SPEF2: variants seen among roughly 807,000 people sequenced by gnomAD.
The protein encoded by SPEF2 is sperm flagellar and cilia associated 2.
SPEF2 carries 187 observed loss-of-function variants against 224.6 expected under a neutral mutation model. The ratio of observed to expected loss-of-function variants is 0.83; its 90% CI spans 0.74 to 0.94. The LOEUF is 0.94. SPEF2 is among the 40% of genes least tolerant of loss of function. The pLI, the probability that SPEF2 is intolerant of heterozygous loss-of-function variation, is 0.00. For missense variants in SPEF2, 2,170 were observed against 2,135.6 expected (o/e 1.02, Z -0.32); for synonymous variants, 715 against 707.3 (o/e 1.01, Z -0.17).
chr5:35,637,831 C>G (rs929645861), intron 2 of SPEF2, among the ~76,000 whole-genome samples: 1 of 152,124 alleles, frequency 6.6e-6, no homozygotes, highest in Non-Finnish European at 1.5e-5. Flanking sequence ...CTGGATTACC[C>G]TCCAAGGTAT....
intron 30 of SPEF2, among the ~76,000 whole-genome samples, chr5:35,784,270 G>A (rs532614004): frequency 9.9e-5 from 15 of 152,126 alleles, no homozygotes; most frequent in African/African-American, 3.6e-4. Context: ...TGGGACTACA[G>A]GCAAACGCCA....
At chr5:35,788,328 T>G in intron 30 of SPEF2, 1 of 703,000 alleles carries the variant, frequency 1.4e-6, no homozygotes, top group Non-Finnish European at 2.6e-6. Context: ...TTAGATGATA[T>G]GAAAGGTGTT....
intron 36 of SPEF2, among the ~76,000 whole-genome samples, chr5:35,811,469 G>A (rs2149880485): frequency 6.6e-6 from 1 of 152,282 alleles, no homozygotes; most frequent in South Asian, 2.1e-4. Flanking sequence ...CATTTAAGGT[G>A]TACTGGCTTT....
intron 10 of SPEF2, among the ~76,000 whole-genome samples, chr5:35,680,049 A>G (rs1561185237): frequency 6.6e-6 from 1 of 152,210 alleles, no homozygotes; most frequent in Non-Finnish European, 1.5e-5. Flanking sequence ...TTCCTCTGAG[A>G]TAAAACATCA....
chr5:35,637,369 A>T (rs915064040), intron 2 of SPEF2, among the ~76,000 whole-genome samples: 2 of 152,154 alleles, frequency 1.3e-5, no homozygotes, highest in Admixed American at 6.5e-5. Flanking sequence ...ATTTACGAAG[A>T]TGTACTTCAA....
At chr5:35,727,458 G>A (rs917930194) in intron 20 of SPEF2, among the ~76,000 whole-genome samples, 1 of 152,154 alleles carries the variant, frequency 6.6e-6, no homozygotes, top group Non-Finnish European at 1.5e-5. Context: ...TAGCCACTTG[G>A]ATAGGTTGGA....
intron 21 of SPEF2, among the ~76,000 whole-genome samples, chr5:35,734,022 A>G (rs113475156): frequency 1.8e-4 from 27 of 152,316 alleles, no homozygotes; most frequent in South Asian, 2.1e-4. Flanking sequence ...ATAAGTGTTC[A>G]TTGTTTTAAG....
intron 8 of SPEF2, among the ~76,000 whole-genome samples, chr5:35,666,838 G>A (rs372272257): frequency 4.6e-5 from 7 of 152,262 alleles, no homozygotes; most frequent in South Asian, 4.1e-4. Context: ...GTTAGATCAC[G>A]TCTGACTGTA....
At chr5:35,804,234 C>T (rs1333512461) in intron 34 of SPEF2, among the ~76,000 whole-genome samples, 2 of 152,156 alleles carry the variant, frequency 1.3e-5, no homozygotes, top group African/African-American at 4.8e-5. Flanking sequence ...AATGCATGGT[C>T]AGGAAGACAC....
Position 35,641,477 on chromosome 5 carries a change from C to G in SPEF2, c.208C>G (p.Leu70Val). ...TAATTTTTCTCGCTTGGAGCCAACA[C>G]TTAACCTTCTGGGTGTGCAGTTTGA... Reference protein sequence around the residue: ...LNNFSRLEPTLNLLGVQFDQN... With the variant: ...LNNFSRLEPTVNLLGVQFDQN... Residue 70 changes from leucine to valine, a missense_variant, in exon 3 of 37, where the codon CTT (leucine) becomes GTT (valine). By Grantham distance (32) the Leu-to-Val change is conservative. Transcript: ENST00000356031. The G allele has an allele frequency of 6.2e-7, 1 of 1,613,816 alleles. No homozygotes were observed. Among genetic ancestry groups the G allele is most frequent in the Non-Finnish European group, 8.5e-7 (1 of 1,179,814 alleles).
chr5:35,709,957 T>A (rs1740765786), intron 19 of SPEF2: 1 of 984,534 alleles, frequency 1.0e-6, no homozygotes, highest in Admixed American at 6.2e-5. Context: ...AACTCTATAG[T>A]CTTTCTGCCT....
intron 26 of SPEF2, among the ~76,000 whole-genome samples, chr5:35,770,030 CGT>C (rs143871804): frequency 5.8e-4 from 83 of 142,190 alleles, no homozygotes; most frequent in East Asian, 6.1e-4. Context: ...TGTGCATGTG[CGT>C]GTGTGTGTGT....
chr5:35,696,851 T>C (rs1349556209), intron 14 of SPEF2, among the ~76,000 whole-genome samples: 1 of 152,110 alleles, frequency 6.6e-6, no homozygotes, highest in Non-Finnish European at 1.5e-5. Flanking sequence ...AAAGGGAGCC[T>C]TAAGCAGATT....
At chr5:35,672,787 A>G (rs1751367209) in intron 10 of SPEF2, among the ~76,000 whole-genome samples, 1 of 152,162 alleles carries the variant, frequency 6.6e-6, no homozygotes, top group South Asian at 2.1e-4. Context: ...TACTTAATTG[A>G]TGTCCATACC....
chr5:35,708,011 C>CT (rs1740155882), intron 18 of SPEF2, among the ~76,000 whole-genome samples: 1 of 152,146 alleles, frequency 6.6e-6, no homozygotes, highest in African/African-American at 2.4e-5. Context: ...TTTCCTACCA[C>CT]TAGAACGTAA....
chr5:35,618,110 TGCAGC>T, intron 1 of SPEF2, 55 bp downstream of exon 1: 5 of 1,536,496 alleles, frequency 3.3e-6, no homozygotes, highest in Non-Finnish European at 4.4e-6. Flanking sequence ...GCGCAGAGCC[TGCAGC>T]GCAGCGCAGC....
At chr5:35,698,526 G>A (rs1755657416) in intron 15 of SPEF2, 1 of 152,168 alleles carries the variant, frequency 6.6e-6, no homozygotes, top group Non-Finnish European at 1.5e-5. Flanking sequence ...AAATAAAAAT[G>A]TATATGAAAA....
chr5:35,711,302 G>A (rs925293839), intron 19 of SPEF2, among the ~76,000 whole-genome samples: 1 of 151,570 alleles, frequency 6.6e-6, no homozygotes, highest in Non-Finnish European at 1.5e-5. Context: ...TTGTTATTTT[G>A]TTAAAATTTT....
chr5:35,627,096 A>G (rs1337753457), intron 1 of SPEF2, among the ~76,000 whole-genome samples: 3 of 148,406 alleles, frequency 2.0e-5, no homozygotes, highest in South Asian at 4.3e-4. Flanking sequence ...ATGTTATATT[A>G]TATGTTAACC....
Sources: allele counts gnomAD v4.1 joint callset (sites outside exome capture counted in the v4.1 genomes callset), GRCh38; gene constraint gnomAD v4.1.1; transcripts MANE v1.5; gene names NCBI Gene and HGNC (gene_info 2026-07-23, HGNC 2026-07-21).